Variants in PVT1 observed in about 807,000 individuals in gnomAD.
The protein encoded by PVT1 is CXCR4/PVT1 fusion.
intron 2 of PVT1, among the ~76,000 whole-genome samples, chr8:127,827,127 C>A (rs1814799624): frequency 6.6e-6 from 1 of 151,200 alleles, no homozygotes; most frequent in South Asian, 2.1e-4. Flanking sequence ...TCCCAAGTAG[C>A]TGGGATTATA....
At chr8:128,071,753 A>G (rs1175771509) in intron 5 of PVT1, among the ~76,000 whole-genome samples, 1 of 151,964 alleles carries the variant, frequency 6.6e-6, no homozygotes, top group African/African-American at 2.4e-5. Context: ...TATAGTTATA[A>G]TTTGTTGAGC....
intron 3 of PVT1, among the ~76,000 whole-genome samples, chr8:127,926,948 G>C (rs1353681146): frequency 6.6e-6 from 1 of 152,096 alleles, no homozygotes; most frequent in African/African-American, 2.4e-5. Context: ...TCACAGCCTT[G>C]GCACTGTTCC....
intron 4 of PVT1, among the ~76,000 whole-genome samples, chr8:128,007,839 A>G (rs1215234363): frequency 1.3e-5 from 2 of 152,350 alleles, no homozygotes; most frequent in African/African-American, 4.8e-5. Context: ...TGTCTTGCCC[A>G]GTGGACACCC....
chr8:128,065,074 CAA>C (rs1275365213), intron 4 of PVT1, among the ~76,000 whole-genome samples: 4 of 152,166 alleles, frequency 2.6e-5, no homozygotes, highest in Non-Finnish European at 5.9e-5. Context: ...AGGAATTGCC[CAA>C]GTTTACACAG....
intron 4 of PVT1, among the ~76,000 whole-genome samples, chr8:128,068,520 C>T (rs565903575): frequency 1.3e-4 from 20 of 152,278 alleles, no homozygotes; most frequent in Admixed American, 2.6e-4. Context: ...TTGTTTGAGA[C>T]GGAGTCTTGC....
intron 2 of PVT1, among the ~76,000 whole-genome samples, chr8:127,824,709 T>A (rs1814767970): frequency 6.6e-6 from 1 of 152,210 alleles, no homozygotes; most frequent in Non-Finnish European, 1.5e-5. Flanking sequence ...AGTATTTCCA[T>A]GTGTTGTAAA....
intron 3 of PVT1, among the ~76,000 whole-genome samples, chr8:127,900,551 C>T (rs899800462): frequency 2.6e-5 from 4 of 152,192 alleles, no homozygotes; most frequent in Non-Finnish European, 5.9e-5. Flanking sequence ...AGGTAGGTGA[C>T]ATAACGTATA....
intron 3 of PVT1, among the ~76,000 whole-genome samples, chr8:127,915,388 A>G (rs77164972): frequency 0.13 from 19,201 of 151,418 alleles, 3,756 homozygotes; most frequent in African/African-American, 0.42. Flanking sequence ...GGCGGGCGGC[A>G]GATCACCTGA....
intron 2 of PVT1, among the ~76,000 whole-genome samples, chr8:127,834,646 G>A (rs1344019398): frequency 6.6e-6 from 1 of 152,000 alleles, no homozygotes; most frequent in East Asian, 1.9e-4. Context: ...CTACAGAATG[G>A]GAGAAAATTT....
intron 6 of PVT1, among the ~76,000 whole-genome samples, chr8:128,099,049 C>G (rs1026968552): frequency 2.0e-5 from 3 of 152,232 alleles, no homozygotes; most frequent in Non-Finnish European, 2.9e-5. Flanking sequence ...GTTCATTACC[C>G]CATTTTACAG....
chr8:127,967,821 G>A (rs1003557039), intron 3 of PVT1, among the ~76,000 whole-genome samples: 2 of 152,248 alleles, frequency 1.3e-5, no homozygotes, highest in Admixed American at 1.3e-4. Context: ...TCTCACAGGA[G>A]ATTCATTGCT....
At chr8:127,815,639 C>T (rs1230292549) in intron 2 of PVT1, among the ~76,000 whole-genome samples, 2 of 152,092 alleles carry the variant, frequency 1.3e-5, no homozygotes, top group Non-Finnish European at 2.9e-5. Context: ...TCATCAGGGG[C>T]GGAGGAGGCA....
intron 5 of PVT1, among the ~76,000 whole-genome samples, chr8:128,093,723 C>T (rs951980384): frequency 1.3e-5 from 2 of 151,818 alleles, no homozygotes; most frequent in Non-Finnish European, 2.9e-5. Flanking sequence ...CTGCAACCTC[C>T]GCCTCCCAGG....
chr8:127,843,463 G>C (rs1207962795), intron 2 of PVT1, among the ~76,000 whole-genome samples: 2 of 152,118 alleles, frequency 1.3e-5, no homozygotes, highest in Non-Finnish European at 2.9e-5. Context: ...TTTTTTTAGA[G>C]ATGGAGTCTT....
intron 2 of PVT1, among the ~76,000 whole-genome samples, chr8:127,805,040 C>T (rs535743378): frequency 6.6e-6 from 1 of 150,844 alleles, no homozygotes; most frequent in African/African-American, 2.4e-5. Flanking sequence ...AAGTGATTCT[C>T]CTGCCTCAGC....
At chr8:128,080,933 C>A (rs1389312477) in intron 5 of PVT1, among the ~76,000 whole-genome samples, 1 of 152,092 alleles carries the variant, frequency 6.6e-6, no homozygotes, top group Non-Finnish European at 1.5e-5. Flanking sequence ...AAATGAATGT[C>A]TGGTTGTTTC....
intron 2 of PVT1, among the ~76,000 whole-genome samples, chr8:127,827,095 G>T (rs569475725): frequency 3.7e-4 from 55 of 148,714 alleles, no homozygotes; most frequent in Non-Finnish European, 7.2e-4. Context: ...TCCTGGGTTC[G>T]AGCGATTCTC....
In PVT1 at chr8:128,016,276, C is replaced by CA. The variant is rs11333334; in HGVS notation, n.912+26998dup. On this transcript the variant is annotated intron_variant and non_coding_transcript_variant, in intron 4 of 10. Coordinates refer to ENST00000651587, the Ensembl canonical transcript of PVT1. ...TGGGCAACAGACCAAGACCCTGTCT[C>CA]AAAAAAAAAAAAAGGGGGCGAGGAT... Among the ~76,000 whole-genome samples, 983 of 134,336 alleles carry CA rather than the reference C, an allele frequency of 7.3e-3. 14 individuals carry two copies. The East Asian group carries it at 0.079, about 11-fold the overall frequency. 88.1% of individuals were successfully genotyped at this position (134,336 alleles called of 152,430 possible).
intron 3 of PVT1, among the ~76,000 whole-genome samples, chr8:127,897,419 T>G (rs796856757): frequency 1.9e-4 from 29 of 150,544 alleles, no homozygotes; most frequent in African/African-American, 6.4e-4. Flanking sequence ...TAAGGGGCTA[T>G]GTGAGAAGTT....
Sources: allele counts gnomAD v4.1 joint callset (sites outside exome capture counted in the v4.1 genomes callset), GRCh38; gene constraint gnomAD v4.1.1; transcripts MANE v1.5; gene names NCBI Gene and HGNC (gene_info 2026-07-23, HGNC 2026-07-21).